Variants in NAALADL2 observed in about 807,000 individuals in gnomAD.
NAALADL2 encodes inactive N-acetylated-alpha-linked acidic dipeptidase-like protein 2.
Under a neutral mutation model 87.2 loss-of-function variants are expected in NAALADL2, and 76 were observed. That is an observed-to-expected ratio of 0.87 (90% CI 0.72 to 1.05). NAALADL2 has a LOEUF of 1.05. NAALADL2 is among the 50% of genes least tolerant of loss of function. NAALADL2 has a pLI of 0.00. For missense variants in NAALADL2, 1,089 were observed against 945.8 expected, an observed-to-expected ratio of 1.15 and a Z score of -1.99; for synonymous variants, 354 against 331.0, an observed-to-expected ratio of 1.07 and a Z score of -0.75.
At chr3:175,339,833 TG>T in intron 5 of NAALADL2, among the ~76,000 whole-genome samples, 1 of 152,294 alleles carries the variant, frequency 6.6e-6, no homozygotes, top group Non-Finnish European at 1.5e-5. Context: ...AATATAATTC[TG>T]GGGATGAATT....
chr3:174,717,952 C>T (rs1242556276), intron 2 of NAALADL2, among the ~76,000 whole-genome samples: 1 of 151,944 alleles, frequency 6.6e-6, no homozygotes, highest in African/African-American at 2.4e-5. Flanking sequence ...ATGGTGAAAC[C>T]CCCACCTCTC....
At chr3:174,621,081 C>T (rs942942440) in intron 2 of NAALADL2, among the ~76,000 whole-genome samples, 1 of 151,822 alleles carries the variant, frequency 6.6e-6, no homozygotes, top group African/African-American at 2.4e-5. Context: ...GTAGACATCT[C>T]ATAGAAAAAT....
intron 9 of NAALADL2, among the ~76,000 whole-genome samples, chr3:175,558,735 T>C (rs1003883494): frequency 2.0e-5 from 3 of 152,158 alleles, no homozygotes; most frequent in Non-Finnish European, 4.4e-5. Flanking sequence ...TTTTACTGTA[T>C]ATGTATGAGT....
intron 2 of NAALADL2, among the ~76,000 whole-genome samples, chr3:175,229,623 A>C (rs1486091994): frequency 6.6e-6 from 1 of 152,014 alleles, no homozygotes; most frequent in Non-Finnish European, 1.5e-5. Context: ...GTGTCTTCAC[A>C]TGATGGAAAG....
At chr3:174,620,980 TC>T (rs1299573517) in intron 2 of NAALADL2, among the ~76,000 whole-genome samples, 1 of 152,076 alleles carries the variant, frequency 6.6e-6, no homozygotes, top group East Asian at 1.9e-4. Context: ...TTTTACTGCT[TC>T]TAACCTTAGG....
At chr3:174,977,086 T>C (rs569960952) in intron 1 of NAALADL2, among the ~76,000 whole-genome samples, 1 of 152,262 alleles carries the variant, frequency 6.6e-6, no homozygotes, top group South Asian at 2.1e-4. Flanking sequence ...AAATAGGATG[T>C]AAAAATATGA....
chr3:174,624,457 C>T (rs998940716), intron 2 of NAALADL2, among the ~76,000 whole-genome samples: 4 of 152,010 alleles, frequency 2.6e-5, no homozygotes, highest in Admixed American at 2.0e-4. Context: ...AACCCCGTCT[C>T]TATTAAAAGT....
rs144469067 is a variant in NAALADL2, at chr3:175,778,132, A to G, written c.2189+22714A>G. On this transcript the variant is annotated intron_variant, in intron 13 of 13. Transcript: ENST00000454872. ...AACCAACACCTTCCTATCTAAAGCA[A>G]TATAAAATCTAAAGTTATTTGGTGG... Among the ~76,000 whole-genome samples the G allele has an allele frequency of 4.8e-3, 728 of 152,292 alleles. 3 individuals carry two copies. Among genetic ancestry groups the G allele is most frequent in the African/African-American group, 0.017 (694 of 41,572 alleles).
At chr3:175,736,659 T>A (rs1457917259) in intron 11 of NAALADL2, among the ~76,000 whole-genome samples, 1 of 152,252 alleles carries the variant, frequency 6.6e-6, no homozygotes, top group African/African-American at 2.4e-5. Context: ...CAAAACTTCC[T>A]GATTCTGAAA....
At chr3:175,016,879 C>G (rs61029618) in intron 1 of NAALADL2, among the ~76,000 whole-genome samples, 2 of 151,784 alleles carry the variant, frequency 1.3e-5, no homozygotes, top group African/African-American at 4.8e-5. Flanking sequence ...TCAGGGTGAT[C>G]GGGTTATCTA....
intron 5 of NAALADL2, among the ~76,000 whole-genome samples, chr3:175,357,632 AACAAACAC>A (rs1470712436): frequency 6.6e-6 from 1 of 152,300 alleles, no homozygotes; most frequent in East Asian, 1.9e-4. Context: ...CAATATATGC[AACAAACAC>A]ACAAATATCA....
At chr3:175,003,463 C>CATGAAGAATGTTATGT (rs1311734879) in intron 1 of NAALADL2, among the ~76,000 whole-genome samples, 3 of 152,158 alleles carry the variant, frequency 2.0e-5, no homozygotes, top group Non-Finnish European at 4.4e-5. Flanking sequence ...AGGCATTTAG[C>CATGAAGAATGTTATGT]ATGAAGAATG....
chr3:174,704,031 G>C (rs147777303), intron 2 of NAALADL2, among the ~76,000 whole-genome samples: 1 of 152,254 alleles, frequency 6.6e-6, no homozygotes, highest in East Asian at 1.9e-4. Flanking sequence ...AGAAGGCATG[G>C]GGTATGTGAT....
At chr3:175,540,238 A>C (rs6443309) in intron 9 of NAALADL2, among the ~76,000 whole-genome samples, 6,114 of 152,272 alleles carry the variant, frequency 0.04, 299 homozygotes, top group African/African-American at 0.11. Flanking sequence ...GTCATCAAGA[A>C]AGATCTTTCT....
intron 2 of NAALADL2, among the ~76,000 whole-genome samples, chr3:174,710,569 T>G (rs910167130): frequency 1.3e-5 from 2 of 152,108 alleles, no homozygotes; most frequent in African/African-American, 4.8e-5. Flanking sequence ...ATGAGCCTTT[T>G]AAAATTTTTT....
chr3:174,925,794 C>T (rs1224906115), intron 1 of NAALADL2, among the ~76,000 whole-genome samples: 1 of 152,082 alleles, frequency 6.6e-6, no homozygotes, highest in East Asian at 1.9e-4. Flanking sequence ...CTTCACATCT[C>T]TTGTAAGTTG....
chr3:174,688,905 G>T (rs1040699576), intron 2 of NAALADL2, among the ~76,000 whole-genome samples: 1 of 151,848 alleles, frequency 6.6e-6, no homozygotes, highest in African/African-American at 2.4e-5. Flanking sequence ...AATTAATTTT[G>T]GAGTTTGAAT....
intron 2 of NAALADL2, among the ~76,000 whole-genome samples, chr3:174,576,384 G>A (rs1332554982): frequency 1.3e-5 from 2 of 151,826 alleles, no homozygotes; most frequent in Non-Finnish European, 2.9e-5. Flanking sequence ...CACTATGAGG[G>A]GACTATAGAT....
At chr3:174,677,026 CTTTT>C (rs1055711729) in intron 2 of NAALADL2, among the ~76,000 whole-genome samples, 5 of 151,822 alleles carry the variant, frequency 3.3e-5, no homozygotes, top group African/African-American at 1.2e-4. Context: ...GCTATCCATT[CTTTT>C]TTCTCATATT....
Sources: allele counts gnomAD v4.1 joint callset (sites outside exome capture counted in the v4.1 genomes callset), GRCh38; gene constraint gnomAD v4.1.1; transcripts MANE v1.5; gene names NCBI Gene and HGNC (gene_info 2026-07-23, HGNC 2026-07-21).